Variants in PPP1R14C observed in about 807,000 individuals in gnomAD.
PPP1R14C encodes the protein protein phosphatase 1 regulatory inhibitor subunit 14C, also known as protein phosphatase 1 regulatory subunit 14C.
Under a neutral mutation model 20.4 loss-of-function variants are expected in PPP1R14C, and 16 were observed. The ratio of observed to expected loss-of-function variants is 0.78; its 90% CI spans 0.53 to 1.19. The LOEUF (loss-of-function observed/expected upper bound fraction) is 1.19. PPP1R14C is among the 50% of genes most tolerant of loss of function. PPP1R14C has a pLI of 0.00. For missense variants in PPP1R14C, 211 were observed against 220.1 expected, an observed-to-expected ratio of 0.96 and a Z score of 0.26; for synonymous variants, 91 against 91.0, an observed-to-expected ratio of 1.00 and a Z score of 0.00.
chr6:150,214,698 T>A (rs1172207352), intron 1 of PPP1R14C, 46 bp from the exon 2 acceptor site: 1 of 1,459,016 alleles, frequency 6.9e-7, no homozygotes, highest in Non-Finnish European at 9.6e-7. Flanking sequence ...TACAGTCAGG[T>A]TTCTTACTAA....
intron 1 of PPP1R14C, among the ~76,000 whole-genome samples, chr6:150,193,803 C>A (rs1259976698): frequency 2.0e-5 from 3 of 152,134 alleles, no homozygotes; most frequent in Non-Finnish European, 4.4e-5. Context: ...AGCTCTGGAG[C>A]CCCCTGTCCT....
intron 1 of PPP1R14C, among the ~76,000 whole-genome samples, chr6:150,207,775 A>G (rs140105419): frequency 6.6e-6 from 1 of 152,330 alleles, no homozygotes; most frequent in African/African-American, 2.4e-5. Flanking sequence ...TACAGAAAAT[A>G]AATTTATTTC....
intron 1 of PPP1R14C, among the ~76,000 whole-genome samples, chr6:150,171,498 G>A (rs1366661050): frequency 6.6e-6 from 1 of 152,182 alleles, no homozygotes. Context: ...TCCATCTATA[G>A]CATGGTAAAA....
At chr6:150,225,751 C>A (rs1778223391) in intron 3 of PPP1R14C, among the ~76,000 whole-genome samples, 2 of 152,154 alleles carry the variant, frequency 1.3e-5, no homozygotes, top group Non-Finnish European at 2.9e-5. Context: ...TGCCTAAATT[C>A]ACACAGTTAA....
intron 1 of PPP1R14C, among the ~76,000 whole-genome samples, chr6:150,159,016 G>C (rs188515576): frequency 3.2e-4 from 49 of 152,236 alleles, no homozygotes; most frequent in Admixed American, 8.5e-4. Flanking sequence ...TTCATTTTTG[G>C]GGGGGCAGGA....
At chr6:150,239,768 T>C (rs1718353209) in intron 3 of PPP1R14C, among the ~76,000 whole-genome samples, 1 of 152,142 alleles carries the variant, frequency 6.6e-6, no homozygotes, top group Admixed American at 6.5e-5. Context: ...CAGAAAAACA[T>C]GCTGGGCACA....
At chr6:150,166,916 C>A (rs1777428315) in intron 1 of PPP1R14C, among the ~76,000 whole-genome samples, 1 of 152,160 alleles carries the variant, frequency 6.6e-6, no homozygotes, top group African/African-American at 2.4e-5. Context: ...TCATTTGGAA[C>A]CGAGTGAAGG....
At chr6:150,224,301 C>G (rs918115844) in intron 3 of PPP1R14C, among the ~76,000 whole-genome samples, 1 of 152,104 alleles carries the variant, frequency 6.6e-6, no homozygotes, top group African/African-American at 2.4e-5. Flanking sequence ...TTATTTTTGT[C>G]CTGCAACATT....
chr6:150,189,825 C>T (rs1199690836), intron 1 of PPP1R14C, among the ~76,000 whole-genome samples: 1 of 152,178 alleles, frequency 6.6e-6, no homozygotes, highest in Non-Finnish European at 1.5e-5. Flanking sequence ...CCAACAGCCA[C>T]AGTTTGGAAT....
intron 1 of PPP1R14C, among the ~76,000 whole-genome samples, chr6:150,160,666 T>C (rs1777357230): frequency 6.6e-6 from 1 of 152,178 alleles, no homozygotes; most frequent in African/African-American, 2.4e-5. Flanking sequence ...TTGTCTCTTC[T>C]TCCTCATTGG....
intron 1 of PPP1R14C, among the ~76,000 whole-genome samples, chr6:150,155,383 A>G (rs1777294565): frequency 6.6e-6 from 1 of 152,244 alleles, no homozygotes; most frequent in African/African-American, 2.4e-5. Flanking sequence ...ATAAAGCACC[A>G]TCAGATAATC....
chr6:150,241,204 C>T lies in PPP1R14C; in HGVS notation c.424-7542C>T, dbSNP rs571342243. Among the ~76,000 whole-genome samples, 7 of 152,140 alleles carry T rather than the reference C, an allele frequency of 4.6e-5. No individual in the cohort carries two copies. The South Asian group carries it at 1.5e-3, about 32-fold the overall frequency. On this transcript the variant is annotated intron_variant, in intron 3 of 3. Transcript: ENST00000361131. ...ATATGATAAAGCCCACATAAAAATC[C>T]CTGAAGAACTGTGGGGTTCAGAGAG... is the stretch of plus-strand genomic sequence containing the variant.
At chr6:150,159,849 T>A (rs1001094015) in intron 1 of PPP1R14C, among the ~76,000 whole-genome samples, 2 of 152,218 alleles carry the variant, frequency 1.3e-5, no homozygotes, top group Non-Finnish European at 2.9e-5. Context: ...GAGTCCTTTT[T>A]CTGTTCCAGG....
chr6:150,165,232 T>C (rs1394200309), intron 1 of PPP1R14C, among the ~76,000 whole-genome samples: 1 of 152,262 alleles, frequency 6.6e-6, no homozygotes, highest in African/African-American at 2.4e-5. Flanking sequence ...CTTCATTTCC[T>C]GGCAGTGGCC....
At chr6:150,216,714 T>C in intron 2 of PPP1R14C, 110 bp from the exon 3 acceptor site, 1 of 757,166 alleles carries the variant, frequency 1.3e-6, no homozygotes, top group Non-Finnish European at 2.2e-6. Context: ...GAAATCTTGA[T>C]TTACCATTAT....
At chr6:150,226,344 C>A (rs1259076213) in intron 3 of PPP1R14C, among the ~76,000 whole-genome samples, 1 of 152,084 alleles carries the variant, frequency 6.6e-6, no homozygotes, top group Non-Finnish European at 1.5e-5. Flanking sequence ...ATGCAAGAGG[C>A]AAAAGTAATT....
intron 1 of PPP1R14C, among the ~76,000 whole-genome samples, chr6:150,193,909 C>A (rs1312376623): frequency 6.6e-6 from 1 of 152,144 alleles, no homozygotes; most frequent in Admixed American, 6.5e-5. Flanking sequence ...CCACCCAAAT[C>A]TCATCCTGAA....
chr6:150,166,142 G>T (rs60082652), intron 1 of PPP1R14C, among the ~76,000 whole-genome samples: 10 of 151,196 alleles, frequency 6.6e-5, no homozygotes, highest in African/African-American at 1.9e-4. Context: ...GTGCAGTGGC[G>T]CTATCTCGGC....
chr6:150,238,293 A>C (rs1778387976), intron 3 of PPP1R14C, among the ~76,000 whole-genome samples: 1 of 152,242 alleles, frequency 6.6e-6, no homozygotes, highest in Non-Finnish European at 1.5e-5. Flanking sequence ...ACTGCTAGGA[A>C]ACTAGAATGG....
Sources: gnomAD v4.1 joint callset for allele counts (sites outside exome capture counted in the v4.1 genomes callset) on GRCh38, gnomAD v4.1.1 for gene constraint, MANE v1.5 for transcripts, NCBI Gene and HGNC (gene_info 2026-07-23, HGNC 2026-07-21) for gene names.